YEATS4: variants seen among roughly 807,000 people sequenced by gnomAD.
YEATS4 encodes YEATS domain containing 4.
In YEATS4, 17 loss-of-function variants were observed where a neutral mutation model predicts 30.1. The observed-to-expected ratio is 0.56, with a 90% CI of 0.39 to 0.85. The LOEUF is 0.85. Ranked by LOEUF, YEATS4 falls within the 40% of genes least tolerant of loss-of-function variation. YEATS4 has a pLI of 0.00. For synonymous variants in YEATS4, 85 were observed against 87.5 expected (o/e 0.97, Z 0.16); for missense variants, 142 against 268.3 (o/e 0.53, Z 3.29).
chr12:69,383,932 G>T (rs1193771942), intron 6 of YEATS4, among the ~76,000 whole-genome samples: 1 of 152,186 alleles, frequency 6.6e-6, no homozygotes, highest in African/African-American at 2.4e-5. Context: ...GAAAGGGAGT[G>T]ATGCAATAAA....
the YEATS4 span, among the ~76,000 whole-genome samples, chr12:69,399,394 A>C: frequency 6.6e-6 from 1 of 152,238 alleles, no homozygotes; most frequent in African/African-American, 2.4e-5. Context: ...GCCAATAAGC[A>C]TATAAAAAGA....
chr12:69,376,765 G>C (rs1677997773), intron 6 of YEATS4, among the ~76,000 whole-genome samples: 1 of 152,164 alleles, frequency 6.6e-6, no homozygotes, highest in African/African-American at 2.4e-5. Context: ...GGAATAGTTT[G>C]AGTAGGGTTG....
chr12:69,388,350 A>G (rs1018505086), intron 6 of YEATS4, among the ~76,000 whole-genome samples: 1 of 152,238 alleles, frequency 6.6e-6, no homozygotes, highest in Admixed American at 6.5e-5. Context: ...ACCTAGTTTT[A>G]GCTGTATCGT....
chr12:69,378,963 T>C (rs1392681542), intron 6 of YEATS4, among the ~76,000 whole-genome samples: 1 of 152,212 alleles, frequency 6.6e-6, no homozygotes, highest in Non-Finnish European at 1.5e-5. Flanking sequence ...GTTGATGAAA[T>C]CTCTCAGCTT....
the YEATS4 span, among the ~76,000 whole-genome samples, chr12:69,398,350 A>G: frequency 6.6e-6 from 1 of 152,212 alleles, no homozygotes; most frequent in African/African-American, 2.4e-5. Context: ...TAATAAATGG[A>G]TGCAGCAAAA....
At position 69,365,613 on chromosome 12, in the gene YEATS4, ACT is replaced by A. The variant is rs746578523; in HGVS notation, c.172-19_172-18del. On this transcript the variant is annotated intron_variant, in intron 2 of 6. Transcript: ENST00000247843. The stretch of plus-strand genomic sequence containing the variant: ...TTTTCATTTGTAGATCATAAAACTA[ACT>A]AATTCCTTATATTTTAGGATATGTC... 5.1e-6 allele frequency: 8 copies of A among 1,564,398 alleles called. No individual in the cohort carries two copies. The highest frequency in any genetic ancestry group is 6.1e-6 in the Non-Finnish European group (7 of 1,138,258).
chr12:69,401,754 T>C, the YEATS4 span, among the ~76,000 whole-genome samples: 357 of 152,334 alleles, frequency 2.3e-3, no homozygotes, highest in African/African-American at 8.2e-3. Flanking sequence ...CTTCATGCTG[T>C]TCCTTAAATG....
At chr12:69,406,518 A>T in the YEATS4 span, among the ~76,000 whole-genome samples, 1 of 152,174 alleles carries the variant, frequency 6.6e-6, no homozygotes. Flanking sequence ...TTATAGAGAT[A>T]AGTTTTCACC....
the YEATS4 span, among the ~76,000 whole-genome samples, chr12:69,416,407 C>T: frequency 1.3e-5 from 2 of 152,312 alleles, no homozygotes; most frequent in Non-Finnish European, 2.9e-5. Flanking sequence ...GCCTGAGAGA[C>T]ATATTGCAAA....
intron 6 of YEATS4, among the ~76,000 whole-genome samples, chr12:69,377,685 G>A (rs1224767482): frequency 6.6e-6 from 1 of 151,962 alleles, no homozygotes; most frequent in Non-Finnish European, 1.5e-5. Context: ...TTATTCCATT[G>A]TAGTCAGAGA....
chr12:69,362,775 A>T lies in YEATS4; in HGVS notation c.52-13A>T. The T allele has an allele frequency of 6.3e-7, 1 of 1,582,532 alleles. No individual in the cohort carries two copies. The highest frequency in any genetic ancestry group is 8.6e-7 in the Non-Finnish European group (1 of 1,161,688). On this transcript the variant is annotated splice_polypyrimidine_tract_variant and intron_variant, in intron 1 of 6. Transcript: ENST00000247843. ...TACAATATTCATTTATTTTAAAATT[A>T]TTTTTCTTTTAGGGTGTTACTATCG... is the stretch of plus-strand genomic sequence containing the variant.
intron 1 of YEATS4, 45 bp downstream of exon 1, chr12:69,360,068 C>G (rs903626284): frequency 5.0e-6 from 8 of 1,597,698 alleles, no homozygotes; most frequent in South Asian, 1.1e-5. Context: ...TCTCCCGCCT[C>G]GGTTCCTCCC....
chr12:69,399,834 G>C, the YEATS4 span, among the ~76,000 whole-genome samples: 1 of 152,184 alleles, frequency 6.6e-6, no homozygotes, highest in African/African-American at 2.4e-5. Context: ...TAAACATGCA[G>C]AATGAATCTT....
At chr12:69,362,754 A>G (rs777959870) in intron 1 of YEATS4, 34 bp from the exon 2 acceptor site, 42 of 1,530,202 alleles carry the variant, frequency 2.7e-5, no homozygotes, top group Non-Finnish European at 3.7e-5. Context: ...TAATGGTACA[A>G]TATTCATTTA....
At chr12:69,423,542 G>T in the YEATS4 span, among the ~76,000 whole-genome samples, 1 of 152,202 alleles carries the variant, frequency 6.6e-6, no homozygotes, top group Admixed American at 6.5e-5. Flanking sequence ...CAAGCATGGG[G>T]CATTCCGGGA....
rs144781442 is a variant in YEATS4, at chr12:69,369,116, C to T, written c.334-1590C>T. ...ACAATTCAGCCCATAACATCTTTATCCCATCTTTGACCTCTTTTCCAAGAA... is the reference window on the plus strand; with the variant it reads ...ACAATTCAGCCCATAACATCTTTATTCCATCTTTGACCTCTTTTCCAAGAA... On this transcript the variant is annotated intron_variant, in intron 4 of 6. Coordinates refer to ENST00000247843, the MANE Select transcript of YEATS4 (RefSeq NM_006530.4). Among the ~76,000 whole-genome samples, 507 of 152,260 alleles carry T rather than the reference C, an allele frequency of 3.3e-3. 5 individuals carry two copies. The highest frequency in any genetic ancestry group is 0.011 in the African/African-American group (475 of 41,544).
intron 6 of YEATS4, among the ~76,000 whole-genome samples, chr12:69,385,098 A>C (rs1411410207): frequency 6.6e-6 from 1 of 152,046 alleles, no homozygotes; most frequent in Admixed American, 6.6e-5. Context: ...TGTAGCCTCA[A>C]ACTTGGGGGC....
chr12:69,397,876 G>A, the YEATS4 span, among the ~76,000 whole-genome samples: 2 of 152,054 alleles, frequency 1.3e-5, no homozygotes, highest in African/African-American at 4.8e-5. Flanking sequence ...CCAGAATTGT[G>A]GGAAAATAAA....
At chr12:69,394,110 C>A (rs1246078360), downstream of YEATS4, among the ~76,000 whole-genome samples, 2 of 152,134 alleles carry the variant, frequency 1.3e-5, no homozygotes, top group Middle Eastern at 3.2e-3. Context: ...AGAAAGAAAA[C>A]CCCTTAGGGA....
Sources: allele counts gnomAD v4.1 joint callset (sites outside exome capture counted in the v4.1 genomes callset), GRCh38; gene constraint gnomAD v4.1.1; transcripts MANE v1.5; gene names NCBI Gene and HGNC (gene_info 2026-07-23, HGNC 2026-07-21).